DYSF: variants seen among roughly 807,000 people sequenced by gnomAD.
The protein encoded by DYSF is dystrophy-associated fer-1-like 1.
In DYSF, 212 loss-of-function variants were observed where a neutral mutation model predicts 274.9. That is an observed-to-expected ratio of 0.77 (90% CI 0.69 to 0.86). The LOEUF is 0.86. Among genes scored for constraint, DYSF ranks in the 40% least tolerant of loss-of-function variants. The pLI is 0.00. For synonymous variants in DYSF, 1,091 were observed against 1,078.7 expected (o/e 1.01, Z -0.22); for missense variants, 2,666 against 2,783.2 (o/e 0.96, Z 0.95).
chr2:71,560,380 C>T (rs2152801804), intron 22 of DYSF, among the ~76,000 whole-genome samples: 1 of 151,554 alleles, frequency 6.6e-6, no homozygotes, highest in African/African-American at 2.4e-5. Context: ...CCGCTTGCCC[C>T]CGCTCTCAGG....
At chr2:71,652,617 C>A (rs1294579271) in intron 42 of DYSF, among the ~76,000 whole-genome samples, 1 of 152,172 alleles carries the variant, frequency 6.6e-6, no homozygotes, top group East Asian at 1.9e-4. Context: ...ATAAAGATAA[C>A]AATTCCCCTG....
chr2:71,579,434 A>G (rs1015497244), intron 30 of DYSF, among the ~76,000 whole-genome samples: 1 of 152,028 alleles, frequency 6.6e-6, no homozygotes, highest in African/African-American at 2.4e-5. Context: ...CTGCCTTGGG[A>G]GCTGTAGGAG....
At chr2:71,585,306 A>G (rs1466971512) in intron 30 of DYSF, among the ~76,000 whole-genome samples, 3 of 152,210 alleles carry the variant, frequency 2.0e-5, no homozygotes, top group African/African-American at 7.2e-5. Context: ...TGCGTGTTAG[A>G]ATGCAATTTT....
chr2:71,589,744 G>A, intron 31 of DYSF, 58 bp downstream of exon 31: 1 of 1,483,140 alleles, frequency 6.7e-7, no homozygotes, highest in Non-Finnish European at 9.4e-7. Context: ...TTATGCTTCT[G>A]TTTGGATGGA....
intron 3 of DYSF, among the ~76,000 whole-genome samples, chr2:71,500,218 G>A (rs2084836133): frequency 6.6e-6 from 1 of 152,098 alleles, no homozygotes; most frequent in Admixed American, 6.5e-5. Context: ...GACCCCTCTA[G>A]CCTCCCAGGG....
At chr2:71,510,766 T>G (rs1345566645) in intron 4 of DYSF, among the ~76,000 whole-genome samples, 1 of 152,146 alleles carries the variant, frequency 6.6e-6, no homozygotes, top group East Asian at 1.9e-4. Flanking sequence ...CAGGAAAAAT[T>G]GTGTTTATAA....
chr2:71,471,475 C>G (rs1204844468), intron 1 of DYSF, among the ~76,000 whole-genome samples: 1 of 152,126 alleles, frequency 6.6e-6, no homozygotes, highest in African/African-American at 2.4e-5. Context: ...GGGGAGGTCC[C>G]CCACACCAAC....
intron 40 of DYSF, among the ~76,000 whole-genome samples, chr2:71,620,243 C>T (rs1476324060): frequency 6.6e-6 from 1 of 152,198 alleles, no homozygotes; most frequent in Non-Finnish European, 1.5e-5. Flanking sequence ...GCCCCTTCCA[C>T]GTGCCTTGCC....
intron 30 of DYSF, chr2:71,588,655 G>A (rs931523677): frequency 1.3e-5 from 2 of 152,442 alleles, no homozygotes; most frequent in Non-Finnish European, 2.9e-5. Flanking sequence ...ATGTGGGACT[G>A]AACAAGGAAG....
chr2:71,511,212 C>T (rs1250527735), intron 4 of DYSF, among the ~76,000 whole-genome samples: 1 of 152,226 alleles, frequency 6.6e-6, no homozygotes, highest in Non-Finnish European at 1.5e-5. Flanking sequence ...GCCGGGGCAG[C>T]TGAGGATGTG....
intron 41 of DYSF, among the ~76,000 whole-genome samples, chr2:71,638,013 C>G (rs1444176506): frequency 6.6e-6 from 1 of 151,912 alleles, no homozygotes; most frequent in Non-Finnish European, 1.5e-5. Context: ...TGCCAGACAT[C>G]ACCTGGAACT....
intron 17 of DYSF, among the ~76,000 whole-genome samples, chr2:71,549,033 C>A (rs1450363763): frequency 6.6e-6 from 1 of 152,140 alleles, no homozygotes; most frequent in Non-Finnish European, 1.5e-5. Flanking sequence ...CTGAATTATT[C>A]CTTGAGTGTA....
chr2:71,521,985 T>C (rs988936550), intron 12 of DYSF, among the ~76,000 whole-genome samples: 1 of 151,746 alleles, frequency 6.6e-6, no homozygotes, highest in African/African-American at 2.4e-5. Context: ...GCCCCCCATC[T>C]TCATCCACCT....
At chr2:71,622,756 C>G (rs1297695984) in intron 41 of DYSF, among the ~76,000 whole-genome samples, 2 of 152,126 alleles carry the variant, frequency 1.3e-5, no homozygotes, top group African/African-American at 2.4e-5. Flanking sequence ...GCTGGGATTA[C>G]AGGTGCCCAC....
chr2:71,466,025 A>T (rs2081508204), upstream of DYSF, among the ~76,000 whole-genome samples: 1 of 152,102 alleles, frequency 6.6e-6, no homozygotes, highest in South Asian at 2.1e-4. Context: ...GCCTCCAGAG[A>T]TGAGTGACTC....
At chr2:71,630,107 C>A (rs2094287828) in intron 41 of DYSF, among the ~76,000 whole-genome samples, 1 of 151,694 alleles carries the variant, frequency 6.6e-6, no homozygotes, top group South Asian at 2.1e-4. Context: ...AGAGGGAAGT[C>A]CTTGCTTGTC....
At chr2:71,508,535 C>T (rs573247389) in intron 4 of DYSF, among the ~76,000 whole-genome samples, 14 of 152,090 alleles carry the variant, frequency 9.2e-5, no homozygotes, top group Middle Eastern at 3.4e-3. Flanking sequence ...TTTGAAATTC[C>T]GGCCAATTAT....
At chr2:71,643,898 C>T in intron 41 of DYSF, 67 bp from the exon 42 acceptor site, 1 of 1,330,440 alleles carries the variant, frequency 7.5e-7, no homozygotes, top group East Asian at 2.5e-5. Flanking sequence ...GGAGGGTTTC[C>T]AACTCTGAAG....
At position 71,603,531 on chromosome 2, in the gene DYSF, C is replaced by T. The variant is rs114437484; in HGVS notation, c.3957+726C>T. 4.4e-3 allele frequency among the ~76,000 whole-genome samples: 672 copies of T among 152,290 alleles called. 6 individuals are homozygous for T. The highest frequency in any genetic ancestry group is 0.014 in the African/African-American group (602 of 41,560). On this transcript the variant is annotated intron_variant, in intron 36 of 55. Coordinates refer to ENST00000410020, the MANE Select transcript of DYSF (RefSeq NM_001130987.2). ...TGCCATTAGGGAATCCCCAGACCGA[C>T]AGCGGACACTATTTGACATTTTCAG... is the stretch of plus-strand genomic sequence containing the variant.
Sources: allele counts gnomAD v4.1 joint callset (sites outside exome capture counted in the v4.1 genomes callset), GRCh38; gene constraint gnomAD v4.1.1; transcripts MANE v1.5; gene names NCBI Gene and HGNC (gene_info 2026-07-23, HGNC 2026-07-21).